Variants in MAN1C1 observed in about 807,000 individuals in gnomAD.
MAN1C1 encodes mannosidase alpha class 1C member 1, also known as mannosyl-oligosaccharide 1,2-alpha-mannosidase IC.
MAN1C1 carries 49 observed loss-of-function variants against 71.5 expected under a neutral mutation model. That is an observed-to-expected ratio of 0.69 (90% CI 0.54 to 0.87). MAN1C1 has a LOEUF of 0.87. Among genes scored for constraint, MAN1C1 ranks in the 40% least tolerant of loss-of-function variants. MAN1C1 has a pLI of 0.00. For synonymous variants in MAN1C1, 352 were observed against 343.7 expected, an observed-to-expected ratio of 1.02 and a Z score of -0.27; for missense variants, 743 against 835.0, an observed-to-expected ratio of 0.89 and a Z score of 1.36.
intron 1 of MAN1C1, among the ~76,000 whole-genome samples, chr1:25,666,286 C>T (rs1439224486): frequency 2.0e-5 from 3 of 152,136 alleles, no homozygotes; most frequent in Non-Finnish European, 2.9e-5. Flanking sequence ...TGTCTTTTTG[C>T]GTCGTTTTCA....
At chr1:25,707,503 A>G (rs1042047534) in intron 2 of MAN1C1, among the ~76,000 whole-genome samples, 1 of 152,230 alleles carries the variant, frequency 6.6e-6, no homozygotes, top group African/African-American at 2.4e-5. Flanking sequence ...CCAACTGGGA[A>G]AGGCTACTTC....
At position 25,776,289 on chromosome 1, in the gene MAN1C1, G is replaced by A. The variant is rs2047618418; in HGVS notation, c.1258-1816G>A. ...CTCTCAGCCAGTTGTGGTGGCTCAC[G>A]CCTGTAATCCCAACATTTTGGGAGG... is the stretch of plus-strand genomic sequence containing the variant. On this transcript the variant is annotated intron_variant, in intron 8 of 11. Coordinates refer to ENST00000374332, the MANE Select transcript of MAN1C1 (RefSeq NM_020379.4). This position sits in a 1 kb window ranked among gnomAD's most constrained non-coding sequence, Gnocchi z 4.3. 6.6e-6 allele frequency among the ~76,000 whole-genome samples: 1 copy of A among 152,098 alleles called. No homozygotes were observed. The highest frequency in any genetic ancestry group is 1.5e-5 in the Non-Finnish European group (1 of 68,020).
intron 2 of MAN1C1, among the ~76,000 whole-genome samples, chr1:25,734,016 G>T (rs1036844434): frequency 2.6e-4 from 39 of 152,088 alleles, no homozygotes; most frequent in African/African-American, 8.5e-4. Context: ...AGCCAGGATG[G>T]TCTTGATCTC....
chr1:25,718,944 A>G (rs909132857), intron 2 of MAN1C1, among the ~76,000 whole-genome samples: 3 of 151,940 alleles, frequency 2.0e-5, no homozygotes, highest in African/African-American at 7.2e-5. Context: ...GGACCTCTAC[A>G]TTGAATTTTC....
chr1:25,749,027 G>T (rs1000307554), intron 3 of MAN1C1, among the ~76,000 whole-genome samples: 4 of 152,258 alleles, frequency 2.6e-5, no homozygotes, highest in Non-Finnish European at 5.9e-5. Flanking sequence ...AAGGGCTGGG[G>T]AAGGAAGCCA....
At position 25,778,042 on chromosome 1, in the gene MAN1C1, TC is replaced by T. The variant is rs544681452; in HGVS notation, c.1258-56del. 4,264 of 1,255,474 alleles carry T rather than the reference TC, an allele frequency of 3.4e-3. 13 individuals carry two copies. Among genetic ancestry groups the T allele is most frequent in the Non-Finnish European group, 4.4e-3 (3,944 of 905,872 alleles). The allele number at this position is 1,255,474 out of a possible 1,614,324, so 77.8% of individuals were successfully genotyped here. A position where few individuals can be genotyped will look rare whatever the true frequency, so the allele number is the denominator to read the frequency against. ...TCCAAAATGTTCATTTTCCATCCTT[TC>T]CCCCCCTTCTCTGTGCCCTCCCACG... On this transcript the variant is annotated intron_variant, in intron 8 of 11. Coordinates refer to ENST00000374332, the MANE Select transcript of MAN1C1 (RefSeq NM_020379.4). This position sits in a 1 kb window ranked among gnomAD's most constrained non-coding sequence, Gnocchi z 5.5.
At chr1:25,768,331 T>A (rs1468908523) in intron 7 of MAN1C1, among the ~76,000 whole-genome samples, 1 of 29,064 alleles carries the variant, frequency 3.4e-5, no homozygotes, top group Non-Finnish European at 6.3e-5. Flanking sequence ...ACATCCACAC[T>A]CCCCTCACAC....
Position 25,746,662 on chromosome 1 carries a change from C to T in MAN1C1, c.638-6C>T. On this transcript the variant is annotated splice_polypyrimidine_tract_variant and splice_region_variant and intron_variant, in intron 2 of 11. Coordinates refer to ENST00000374332, the MANE Select transcript of MAN1C1 (RefSeq NM_020379.4). This position sits in a 1 kb window ranked among gnomAD's most constrained non-coding sequence, Gnocchi z 4.0. ...GGGTCACACCCTCAATGCTCTGTGC[C>T]TGCAGGAGGCCTCAGCGGGGCAACA... The T allele has an allele frequency of 1.9e-6, 3 of 1,607,074 alleles. No homozygotes were observed. The highest frequency in any genetic ancestry group is 2.6e-6 in the Non-Finnish European group (3 of 1,173,780).
intron 2 of MAN1C1, among the ~76,000 whole-genome samples, chr1:25,687,609 C>G (rs2046250437): frequency 1.3e-5 from 2 of 152,172 alleles, no homozygotes; most frequent in Admixed American, 6.5e-5. Flanking sequence ...CCCATCACCC[C>G]CATCGTGTGC....
rs2047524836 is a variant in MAN1C1, at chr1:25,769,948, C to G, written c.1142-1709C>G. 6.6e-6 allele frequency among the ~76,000 whole-genome samples: 1 copy of G among 152,174 alleles called. No homozygotes were observed. Among genetic ancestry groups the G allele is most frequent in the African/African-American group, 2.4e-5 (1 of 41,446 alleles). On this transcript the variant is annotated intron_variant, in intron 7 of 11. Coordinates refer to ENST00000374332, the MANE Select transcript of MAN1C1 (RefSeq NM_020379.4). The surrounding 1 kb of genome is among the most constrained non-coding windows in gnomAD (Gnocchi z 4.8). Reference sequence around the variant, plus strand: ...GACCGGGAGCAGGCTTGTGAGAATGCCTGAGCCCCCGCGTGGGGAATGAGG... The same window carrying G: ...GACCGGGAGCAGGCTTGTGAGAATGGCTGAGCCCCCGCGTGGGGAATGAGG...
intron 2 of MAN1C1, among the ~76,000 whole-genome samples, chr1:25,723,515 G>A (rs2046794253): frequency 6.6e-6 from 1 of 152,184 alleles, no homozygotes; most frequent in Non-Finnish European, 1.5e-5. Flanking sequence ...TTTCCCAGCT[G>A]CCAAACTTTG....
intron 1 of MAN1C1, among the ~76,000 whole-genome samples, chr1:25,679,362 C>T (rs770521387): frequency 2.6e-5 from 4 of 152,062 alleles, no homozygotes; most frequent in Admixed American, 6.6e-5. Flanking sequence ...CTCTGACCAG[C>T]GTGGGGAACA....
At chr1:25,657,956 G>A (rs1053185704) in intron 1 of MAN1C1, among the ~76,000 whole-genome samples, 1 of 152,124 alleles carries the variant, frequency 6.6e-6, no homozygotes, top group African/African-American at 2.4e-5. Context: ...CCCACCAGCC[G>A]GACCACTGCT....
rs535439775 is a variant in MAN1C1 at position 25,669,518 on chromosome 1, G to A, written c.541-16922G>A. On this transcript the variant is annotated intron_variant, in intron 1 of 11. Coordinates refer to ENST00000374332, the MANE Select transcript of MAN1C1 (RefSeq NM_020379.4). ...ACACTGGCTTGTGCTTTTAACCATAGCACTTTGGGAGGTCGAGGCAGGAGG... is the reference window on the plus strand; with the variant it reads ...ACACTGGCTTGTGCTTTTAACCATAACACTTTGGGAGGTCGAGGCAGGAGG... Among the ~76,000 whole-genome samples the A allele has an allele frequency of 2.6e-5, 4 of 152,206 alleles. No homozygotes were observed. In the East Asian group the frequency reaches 7.7e-4, roughly 29 times the overall value.
intron 2 of MAN1C1, among the ~76,000 whole-genome samples, chr1:25,699,588 C>T (rs575220140): frequency 1.3e-5 from 2 of 152,140 alleles, no homozygotes; most frequent in Admixed American, 1.3e-4. Context: ...AGCCGTCAGT[C>T]GACTCTGCCA....
chr1:25,686,425 T>C lies in MAN1C1; in HGVS notation c.541-15T>C, dbSNP rs1291359770. ...CGTCACACTGAGGTTCTCTCTATGC[T>C]GCTTTTTCTTGCAGATGATGCAGTT... is the stretch of plus-strand genomic sequence containing the variant. On this transcript the variant is annotated splice_polypyrimidine_tract_variant and intron_variant, in intron 1 of 11. Transcript: ENST00000374332. The C allele has an allele frequency of 2.5e-6, 4 of 1,612,568 alleles. No individual in the cohort carries two copies. The highest frequency in any genetic ancestry group is 4.5e-5 in the East Asian group (2 of 44,884).
At chr1:25,642,172 G>A (rs1038490820) in intron 1 of MAN1C1, among the ~76,000 whole-genome samples, 3 of 152,134 alleles carry the variant, frequency 2.0e-5, no homozygotes, top group Non-Finnish European at 2.9e-5. Flanking sequence ...ACAGGCCATC[G>A]CCCTCCCTCC....
At chr1:25,673,913 C>G (rs995646152) in intron 1 of MAN1C1, among the ~76,000 whole-genome samples, 2 of 152,246 alleles carry the variant, frequency 1.3e-5, no homozygotes, top group Non-Finnish European at 2.9e-5. Context: ...GAGACACTTG[C>G]ACATGGGCAG....
intron 1 of MAN1C1, among the ~76,000 whole-genome samples, chr1:25,669,160 C>A (rs930558737): frequency 6.6e-6 from 1 of 152,176 alleles, no homozygotes; most frequent in Non-Finnish European, 1.5e-5. Context: ...TGCCCACTGA[C>A]GGGAGCTGCC....
Sources: gnomAD v4.1 joint callset for allele counts (sites outside exome capture counted in the v4.1 genomes callset) on GRCh38, gnomAD v4.1.1 for gene constraint, Gnocchi (gnomAD v3.1) non-coding constraint, MANE v1.5 for transcripts, NCBI Gene and HGNC (gene_info 2026-07-23, HGNC 2026-07-21) for gene names.